NR3C2: variants seen among roughly 807,000 people sequenced by gnomAD.
NR3C2 encodes the protein nuclear receptor subfamily 3 group C member 2, also known as mineralocorticoid receptor.
In NR3C2, 15 loss-of-function variants were observed where a neutral mutation model predicts 86.4. The observed-to-expected ratio is 0.17, with a 90% CI of 0.12 to 0.27. The LOEUF (loss-of-function observed/expected upper bound fraction) is 0.27, where lower values mean the gene tolerates loss of function less well. NR3C2 is among the 10% of genes least tolerant of loss of function. The probability of loss-of-function intolerance (pLI) is 1.00; values close to 1 mark genes in which losing one functional copy is unlikely to be tolerated. For missense variants in NR3C2, 960 were observed against 1,195.6 expected (o/e 0.80, Z 2.91); for synonymous variants, 458 against 450.5 (o/e 1.02, Z -0.21).
At chr4:148,431,810 G>A (rs2172002) in intron 2 of NR3C2, among the ~76,000 whole-genome samples, 135,357 of 152,168 alleles carry the variant, frequency 0.89, 60,298 homozygotes, top group Middle Eastern at 0.93. Context: ...ATAATGTAAT[G>A]TCTTCTTTCT....
chr4:148,112,385 C>T (rs1030907475), intron 8 of NR3C2, among the ~76,000 whole-genome samples: 2 of 152,204 alleles, frequency 1.3e-5, no homozygotes, highest in Non-Finnish European at 2.9e-5. Context: ...CCATTCTATT[C>T]TCTACTCAGA....
At chr4:148,130,828 T>TGCTTTG (rs1482102942) in intron 6 of NR3C2, among the ~76,000 whole-genome samples, 1 of 128,796 alleles carries the variant, frequency 7.8e-6, no homozygotes, top group African/African-American at 2.9e-5. Flanking sequence ...TGTTTTTTTT[T>TGCTTTG]TTTTTTTTTT....
intron 8 of NR3C2, among the ~76,000 whole-genome samples, chr4:148,101,354 A>G (rs1014712575): frequency 2.6e-5 from 4 of 152,178 alleles, no homozygotes; most frequent in African/African-American, 9.7e-5. Context: ...AGAGGTAAGT[A>G]TATTACCCAG....
Position 148,154,886 on chromosome 4 carries a change from T to G in NR3C2, c.2030A>C (p.Lys677Thr). The stretch of plus-strand genomic sequence containing the variant: ...GTGAATCCCTTTTAACTTTCCCAAC[T>G]TCTTTGACTTTCGTGCTATAAGAAA... ...GMNLGARKSK[K>T]LGKLKGIHEE... The change falls in exon 5 of 9, where the codon AAG becomes ACG. Residue 677 changes from lysine to threonine, a missense_variant. Lys to Thr is a moderately conservative substitution (Grantham distance 78, BLOSUM62 -1). This residue lies in a region of NR3C2 where 47 missense variants were observed against 107.3 expected (regional missense o/e 0.44). Transcript: ENST00000358102. 6.4e-7 allele frequency: 1 copy of G among 1,560,294 alleles called. No individual in the cohort carries two copies. Among genetic ancestry groups the G allele is most frequent in the Non-Finnish European group, 8.7e-7 (1 of 1,151,490 alleles).
At chr4:148,200,860 G>A (rs1736684155) in intron 3 of NR3C2, among the ~76,000 whole-genome samples, 1 of 151,918 alleles carries the variant, frequency 6.6e-6, no homozygotes. Flanking sequence ...CTTGTAGCTA[G>A]TCTACCTGCC....
intron 2 of NR3C2, among the ~76,000 whole-genome samples, chr4:148,432,719 T>C (rs1385957327): frequency 5.3e-5 from 8 of 152,062 alleles, no homozygotes; most frequent in East Asian, 1.9e-4. Flanking sequence ...GGCAAAAAGG[T>C]TGGGTTTTTT....
chr4:148,354,734 T>A (rs1745469722), intron 2 of NR3C2, among the ~76,000 whole-genome samples: 2 of 152,018 alleles, frequency 1.3e-5, no homozygotes, highest in African/African-American at 4.8e-5. Flanking sequence ...ATATAAAGTA[T>A]CTCCAAAAGA....
intron 8 of NR3C2, among the ~76,000 whole-genome samples, chr4:148,101,964 T>C (rs998846672): frequency 6.6e-6 from 1 of 152,224 alleles, no homozygotes; most frequent in Non-Finnish European, 1.5e-5. Context: ...AGCATTACCA[T>C]GCCTTGAGTC....
intron 2 of NR3C2, among the ~76,000 whole-genome samples, chr4:148,318,648 G>T (rs1056255430): frequency 6.6e-6 from 1 of 152,166 alleles, no homozygotes; most frequent in Non-Finnish European, 1.5e-5. Context: ...ATTTTTTCAT[G>T]TGTTTTTTGG....
intron 3 of NR3C2, among the ~76,000 whole-genome samples, chr4:148,221,829 G>A (rs1239151471): frequency 6.6e-6 from 1 of 150,802 alleles, no homozygotes; most frequent in Non-Finnish European, 1.5e-5. Context: ...AAGAGGTGGA[G>A]GTTGCAGTGA....
intron 2 of NR3C2, among the ~76,000 whole-genome samples, chr4:148,386,308 A>G (rs1176683770): frequency 6.6e-6 from 1 of 152,198 alleles, no homozygotes; most frequent in African/African-American, 2.4e-5. Flanking sequence ...GTGTGGTCAC[A>G]GGTCTGAGCC....
chr4:148,236,432 G>T (rs1347586057), intron 3 of NR3C2, among the ~76,000 whole-genome samples: 1 of 151,974 alleles, frequency 6.6e-6, no homozygotes, highest in Non-Finnish European at 1.5e-5. Flanking sequence ...TGGGTGAAAA[G>T]ATAACTTTAG....
chr4:148,110,320 G>A (rs886843081), intron 8 of NR3C2, among the ~76,000 whole-genome samples: 2 of 152,034 alleles, frequency 1.3e-5, no homozygotes, highest in Admixed American at 6.6e-5. Context: ...TCCTGAGAGC[G>A]GCGTGGATGT....
chr4:148,128,503 G>A (rs939364512), intron 6 of NR3C2, among the ~76,000 whole-genome samples: 2 of 152,228 alleles, frequency 1.3e-5, no homozygotes, highest in Non-Finnish European at 2.9e-5. Flanking sequence ...GGAGCTCTAA[G>A]TTTGAGTCTA....
At chr4:148,181,233 T>C (rs1735630879) in intron 4 of NR3C2, among the ~76,000 whole-genome samples, 1 of 152,230 alleles carries the variant, frequency 6.6e-6, no homozygotes, top group South Asian at 2.1e-4. Flanking sequence ...GATTTTAGTA[T>C]TTTAGTGTCT....
chr4:148,214,413 C>A (rs764349285), intron 3 of NR3C2, among the ~76,000 whole-genome samples: 5 of 151,830 alleles, frequency 3.3e-5, no homozygotes, highest in Non-Finnish European at 7.4e-5. Context: ...ATGTTATATA[C>A]CCACTTTCCA....
intron 3 of NR3C2, among the ~76,000 whole-genome samples, chr4:148,224,298 T>C (rs1738026148): frequency 6.6e-6 from 1 of 152,188 alleles, no homozygotes; most frequent in Non-Finnish European, 1.5e-5. Flanking sequence ...TATAAAAGAA[T>C]ATCTATATAC....
intron 2 of NR3C2, among the ~76,000 whole-genome samples, chr4:148,371,813 T>A (rs1049158064): frequency 3.3e-5 from 5 of 152,210 alleles, no homozygotes; most frequent in African/African-American, 1.2e-4. Flanking sequence ...TACACACAGT[T>A]GTTGCTTAAA....
chr4:148,303,923 G>A (rs545292053), intron 2 of NR3C2, among the ~76,000 whole-genome samples: 18 of 152,196 alleles, frequency 1.2e-4, no homozygotes, highest in Non-Finnish European at 1.5e-4. Flanking sequence ...TTAAAGGCGC[G>A]TTGACCCCCA....
Sources: gnomAD v4.1 joint callset for allele counts (sites outside exome capture counted in the v4.1 genomes callset) on GRCh38, gnomAD v4.1.1 for gene constraint, gnomAD v4.1.1 regional missense constraint, MANE v1.5 for transcripts, NCBI Gene and HGNC (gene_info 2026-07-23, HGNC 2026-07-21) for gene names.